The following RBM19 variants were observed in gnomAD, a reference collection of about 807,000 sequenced individuals.
RBM19 encodes probable RNA-binding protein 19.
In RBM19, 94 loss-of-function variants were observed where a neutral mutation model predicts 116.8. The ratio of observed to expected loss-of-function variants is 0.80; its 90% CI spans 0.68 to 0.95. The LOEUF (loss-of-function observed/expected upper bound fraction) is 0.95, where lower values mean the gene tolerates loss of function less well. RBM19 is among the 40% of genes least tolerant of loss of function. RBM19 has a pLI of 0.00. For synonymous variants in RBM19, 475 were observed against 494.1 expected, an observed-to-expected ratio of 0.96 and a Z score of 0.51; for missense variants, 1,161 against 1,220.7, an observed-to-expected ratio of 0.95 and a Z score of 0.73.
chr12:113,858,532 T>C (rs1444846779), intron 22 of RBM19, among the ~76,000 whole-genome samples: 1 of 152,100 alleles, frequency 6.6e-6, no homozygotes, highest in Non-Finnish European at 1.5e-5. Flanking sequence ...TTGCTTCCCA[T>C]CCCCAGTTTA....
intron 21 of RBM19, among the ~76,000 whole-genome samples, chr12:113,870,363 G>T (rs577800609): frequency 6.6e-6 from 1 of 152,120 alleles, no homozygotes; most frequent in Non-Finnish European, 1.5e-5. Context: ...ACACTGAAAG[G>T]GCCCTATCAA....
chr12:113,944,610 C>A (rs772256146), intron 13 of RBM19, among the ~76,000 whole-genome samples: 1 of 151,952 alleles, frequency 6.6e-6, no homozygotes, highest in Non-Finnish European at 1.5e-5. Context: ...CCAGACTGGG[C>A]CACATAGTGA....
At chr12:113,823,845 G>A (rs1874630534) in intron 23 of RBM19, among the ~76,000 whole-genome samples, 1 of 152,194 alleles carries the variant, frequency 6.6e-6, no homozygotes, top group Non-Finnish European at 1.5e-5. Flanking sequence ...AGTAGAAGTT[G>A]TTTCTGTTTT....
At chr12:113,927,932 C>T (rs772007726) in intron 16 of RBM19, among the ~76,000 whole-genome samples, 19 of 152,042 alleles carry the variant, frequency 1.2e-4, no homozygotes, top group African/African-American at 4.1e-4. Flanking sequence ...ATGTCGTTTC[C>T]GAAGAACGTT....
chr12:113,958,946 T>C (rs926850493), intron 5 of RBM19, among the ~76,000 whole-genome samples: 1 of 152,398 alleles, frequency 6.6e-6, no homozygotes, highest in East Asian at 1.9e-4. Flanking sequence ...TAAACCCTTC[T>C]GTCTTTTGCT....
At chr12:113,948,793 AGCCGCTGG>A (rs1871245006) in intron 10 of RBM19, 32 bp downstream of exon 10, 1 of 1,601,174 alleles carries the variant, frequency 6.2e-7, no homozygotes, top group Admixed American at 1.7e-5. Context: ...CGGCTCCCAT[AGCCGCTGG>A]GCTATCCACG....
intron 17 of RBM19, among the ~76,000 whole-genome samples, chr12:113,925,227 G>A (rs377487939): frequency 1.1e-4 from 17 of 152,104 alleles, no homozygotes; most frequent in African/African-American, 3.9e-4. Flanking sequence ...CCTGGTTCCC[G>A]GCTACGTCTT....
At chr12:113,851,307 A>T (rs190882721) in intron 22 of RBM19, among the ~76,000 whole-genome samples, 28 of 152,260 alleles carry the variant, frequency 1.8e-4, no homozygotes, top group African/African-American at 6.5e-4. Context: ...TTCATTCCCT[A>T]GCTCGCTCAG....
chr12:113,874,877 C>T (rs1003406825), intron 21 of RBM19, among the ~76,000 whole-genome samples: 14 of 152,184 alleles, frequency 9.2e-5, no homozygotes, highest in African/African-American at 1.4e-4. Flanking sequence ...AAAGAGGGAG[C>T]GGGCATGGTC....
intron 13 of RBM19, among the ~76,000 whole-genome samples, chr12:113,944,948 T>C (rs1566033941): frequency 6.6e-6 from 1 of 152,096 alleles, no homozygotes; most frequent in East Asian, 1.9e-4. Flanking sequence ...TATCCTTTTA[T>C]AGAAGGTACA....
chr12:113,949,154 T>C (rs566648402), intron 9 of RBM19, 118 bp from the exon 10 acceptor site: 47 of 952,066 alleles, frequency 4.9e-5, no homozygotes, highest in African/African-American at 4.9e-4. Flanking sequence ...AGGTGGCAGA[T>C]GACAGCACCC....
At position 113,898,744 on chromosome 12, in the gene RBM19, C is replaced by T. The variant is rs868496828; in HGVS notation, c.2558+16225G>A. On this transcript the variant is annotated intron_variant, in intron 21 of 23. Coordinates refer to ENST00000261741, the MANE Select transcript of RBM19 (RefSeq NM_016196.4). This position sits in a 1 kb window ranked among gnomAD's most constrained non-coding sequence, Gnocchi z 4.3. ...GCATTCTCTGCATTAGTATTACTGA[C>T]GTAAAAGAACCGAAACAGATTATAG... is the stretch of plus-strand genomic sequence containing the variant. 6.6e-5 allele frequency among the ~76,000 whole-genome samples: 10 copies of T among 152,184 alleles called. No individual in the cohort carries two copies. Among genetic ancestry groups the T allele is most frequent in the Non-Finnish European group, 1.0e-4 (7 of 68,042 alleles).
Position 113,822,771 on chromosome 12 carries a change from G to A in RBM19, c.*453C>T. 1 of 164,068 alleles carries A rather than the reference G, an allele frequency of 6.1e-6. No individual in the cohort carries two copies. 10.2% of individuals were successfully genotyped at this position (164,068 alleles called of 1,614,324 possible). ...TAGCAAGGGGAAGGCTGGGCCCAAGGAGATAAGGAAACTGGGCCAGGGTCT... is the reference window on the plus strand; with the variant it reads ...TAGCAAGGGGAAGGCTGGGCCCAAGAAGATAAGGAAACTGGGCCAGGGTCT... On this transcript the variant is annotated 3_prime_UTR_variant, in exon 24 of 24. Coordinates refer to ENST00000261741, the MANE Select transcript of RBM19 (RefSeq NM_016196.4).
At chr12:113,873,976 C>G (rs1879481781) in intron 21 of RBM19, among the ~76,000 whole-genome samples, 1 of 150,014 alleles carries the variant, frequency 6.7e-6, no homozygotes, top group South Asian at 2.1e-4. Flanking sequence ...ACAGATGAAC[C>G]TAGAAACCCA....
At chr12:113,887,020 T>A (rs529235162) in intron 21 of RBM19, among the ~76,000 whole-genome samples, 1 of 152,182 alleles carries the variant, frequency 6.6e-6, no homozygotes, top group Non-Finnish European at 1.5e-5. Context: ...GAAGCAAGGG[T>A]GGTTTTTACA....
At chr12:113,832,340 C>T (rs1441242887) in intron 23 of RBM19, among the ~76,000 whole-genome samples, 1 of 152,124 alleles carries the variant, frequency 6.6e-6, no homozygotes, top group African/African-American at 2.4e-5. Flanking sequence ...CGGGCGCACG[C>T]CACCACACCT....
At chr12:113,914,051 A>G (rs1205402008) in intron 21 of RBM19, among the ~76,000 whole-genome samples, 1 of 152,196 alleles carries the variant, frequency 6.6e-6, no homozygotes, top group East Asian at 1.9e-4. Flanking sequence ...GTGCCTACCT[A>G]ATCTGAAAAG....
intron 21 of RBM19, among the ~76,000 whole-genome samples, chr12:113,902,333 G>A (rs1471920300): frequency 1.3e-5 from 2 of 152,054 alleles, no homozygotes; most frequent in African/African-American, 4.8e-5. Flanking sequence ...TGTGTGTGGT[G>A]GCTCACACCT....
Position 113,959,206 on chromosome 12 carries a change from C to A in RBM19, c.571+6G>T. 6.2e-7 allele frequency: 1 copy of A among 1,607,012 alleles called. No homozygotes were observed. The highest frequency in any genetic ancestry group is 8.5e-7 in the Non-Finnish European group (1 of 1,175,920). ...CGCATGGAGCACACAGTCCCCATGC[C>A]CTCACCTTCCAGGTCCTCCCCGGCT... On this transcript the variant is annotated splice_donor_region_variant and intron_variant, in intron 5 of 23. Transcript: ENST00000261741.
Sources: gnomAD v4.1 joint callset for allele counts (sites outside exome capture counted in the v4.1 genomes callset) on GRCh38, gnomAD v4.1.1 for gene constraint, Gnocchi (gnomAD v3.1) non-coding constraint, MANE v1.5 for transcripts, NCBI Gene and HGNC (gene_info 2026-07-23, HGNC 2026-07-21) for gene names.